RAP1GAP2: variants seen among roughly 807,000 people sequenced by gnomAD.
RAP1GAP2 encodes rap1 GTPase-activating protein 2.
Under a neutral mutation model 95.0 loss-of-function variants are expected in RAP1GAP2, and 27 were observed. That is an observed-to-expected ratio of 0.28 (90% CI 0.21 to 0.39). The LOEUF is 0.39. RAP1GAP2 is among the 10% of genes least tolerant of loss of function. RAP1GAP2 has a pLI of 1.00. For missense variants in RAP1GAP2, 771 were observed against 970.0 expected, an observed-to-expected ratio of 0.79 and a Z score of 2.72; for synonymous variants, 373 against 380.9, an observed-to-expected ratio of 0.98 and a Z score of 0.24.
Position 3,036,642 on chromosome 17 carries a change from G to A in RAP1GAP2, c.*3281G>A, listed in dbSNP as rs1364468188. On this transcript the variant is annotated 3_prime_UTR_variant, in exon 25 of 25. Transcript: ENST00000254695. ...GGGATCGGTTCTTCAGCTCCTGATG[G>A]GGGCTGTGTAATGGGGGCAGAGGCC... The A allele has an allele frequency of 6.6e-6, 1 of 152,242 alleles. No individual in the cohort carries two copies. The highest frequency in any genetic ancestry group is 2.1e-4 in the South Asian group (1 of 4,816). 9.4% of individuals were successfully genotyped at this position (152,242 alleles called of 1,614,324 possible). A position where few individuals can be genotyped will look rare whatever the true frequency, so the allele number is the denominator to read the frequency against.
intron 2 of RAP1GAP2, among the ~76,000 whole-genome samples, chr17:2,858,786 G>C (rs1436788851): frequency 6.6e-6 from 1 of 151,984 alleles, no homozygotes; most frequent in Admixed American, 6.6e-5. Context: ...GGTGGCATGT[G>C]CCTTTGGTCC....
chr17:2,805,921 G>A (rs897843608), intron 2 of RAP1GAP2, among the ~76,000 whole-genome samples: 2 of 152,118 alleles, frequency 1.3e-5, no homozygotes, highest in Admixed American at 6.6e-5. Context: ...CTCCTGAGGG[G>A]TGGGGAAGTC....
At chr17:2,860,420 A>G (rs1239343737) in intron 2 of RAP1GAP2, among the ~76,000 whole-genome samples, 1 of 150,602 alleles carries the variant, frequency 6.6e-6, no homozygotes, top group Non-Finnish European at 1.5e-5. Flanking sequence ...TGAGGTGCAA[A>G]TGAGTTTAAT....
At chr17:2,756,940 A>G (rs1472721616) in intron 1 of RAP1GAP2, among the ~76,000 whole-genome samples, 3 of 152,166 alleles carry the variant, frequency 2.0e-5, no homozygotes, top group African/African-American at 2.4e-5. Context: ...TCTGTTTTGC[A>G]TATTTCCTGG....
At chr17:2,992,850 C>G (rs190425433) in intron 12 of RAP1GAP2, among the ~76,000 whole-genome samples, 2 of 152,124 alleles carry the variant, frequency 1.3e-5, no homozygotes, top group African/African-American at 4.8e-5. Flanking sequence ...CGCTCCATCA[C>G]TTATTAGCTC....
In RAP1GAP2 at chr17:2,818,880, C is replaced by A. The variant is rs557844450; in HGVS notation, c.80+18330C>A. ...ACTGGACTAATAGCAAAGCCTGAAA[C>A]CTACTGCAAGGGTTGTTTTGGAGAC... On this transcript the variant is annotated intron_variant, in intron 2 of 24. Coordinates refer to ENST00000254695, the MANE Select transcript of RAP1GAP2 (RefSeq NM_015085.5). 4.5e-3 allele frequency among the ~76,000 whole-genome samples: 686 copies of A among 152,172 alleles called. 5 individuals carry two copies. Among genetic ancestry groups the A allele is most frequent in the African/African-American group, 0.016 (648 of 41,516 alleles).
At chr17:2,936,003 T>A (rs991520242) in intron 3 of RAP1GAP2, among the ~76,000 whole-genome samples, 1 of 152,124 alleles carries the variant, frequency 6.6e-6, no homozygotes, top group Non-Finnish European at 1.5e-5. Flanking sequence ...GAGGTCTCAT[T>A]TAGAGGCTCA....
At chr17:2,763,305 T>A (rs1409669322) in intron 1 of RAP1GAP2, among the ~76,000 whole-genome samples, 1 of 152,120 alleles carries the variant, frequency 6.6e-6, no homozygotes, top group Non-Finnish European at 1.5e-5. Context: ...TTGTGGGGAT[T>A]TCAGAGATGG....
chr17:2,781,124 G>T (rs1438256459), intron 1 of RAP1GAP2, among the ~76,000 whole-genome samples: 1 of 152,216 alleles, frequency 6.6e-6, no homozygotes, highest in African/African-American at 2.4e-5. Context: ...TCTGGTTCTG[G>T]ACTTTTGCAG....
chr17:2,876,675 T>C (rs1164305280), intron 2 of RAP1GAP2, among the ~76,000 whole-genome samples: 3 of 152,086 alleles, frequency 2.0e-5, no homozygotes, highest in Admixed American at 1.3e-4. Flanking sequence ...CTGGAGTCTG[T>C]TCTATGAGTC....
At chr17:2,809,795 G>A (rs2069678778) in intron 2 of RAP1GAP2, among the ~76,000 whole-genome samples, 1 of 152,208 alleles carries the variant, frequency 6.6e-6, no homozygotes, top group Admixed American at 6.5e-5. Flanking sequence ...CAGACCCATG[G>A]GTGTGTCAGG....
chr17:2,927,841 G>A (rs757088402), intron 3 of RAP1GAP2, among the ~76,000 whole-genome samples: 15 of 152,188 alleles, frequency 9.9e-5, no homozygotes, highest in Non-Finnish European at 1.6e-4. Context: ...CCGTAGTTCT[G>A]GGACTAATTC....
intron 1 of RAP1GAP2, among the ~76,000 whole-genome samples, chr17:2,759,115 C>A (rs2071200904): frequency 6.6e-6 from 1 of 152,148 alleles, no homozygotes; most frequent in Admixed American, 6.6e-5. Context: ...GCTGGGGCTA[C>A]AGGCATGAGC....
Position 2,892,523 on chromosome 17 carries a change from T to C in RAP1GAP2, c.81-12761T>C, listed in dbSNP as rs1375622271. 2.0e-5 allele frequency among the ~76,000 whole-genome samples: 3 copies of C among 152,110 alleles called. No individual in the cohort carries two copies. In the East Asian group the frequency reaches 5.8e-4, roughly 29 times the overall value. On this transcript the variant is annotated intron_variant, in intron 2 of 24. Transcript: ENST00000254695. ...TGTATGTCCGGGAGCTGGGCTGTGT[T>C]CTCATAGCATCTACTGGAGCTGAGA...
At position 2,797,874 on chromosome 17, in the gene RAP1GAP2, C is replaced by T; in HGVS notation, c.44+1303C>T. 1.2e-6 allele frequency: 1 copy of T among 800,924 alleles called. No individual in the cohort carries two copies. The highest frequency in any genetic ancestry group is 1.5e-6 in the Non-Finnish European group (1 of 662,188). 49.6% of individuals were successfully genotyped at this position (800,924 alleles called of 1,614,324 possible). A position where few individuals can be genotyped will look rare whatever the true frequency, so the allele number is the denominator to read the frequency against. The stretch of plus-strand genomic sequence containing the variant: ...GGCTGTGGGCCTTGCAGGGCAGGGC[C>T]CAGCAATTAGATTGTGCCCTCCAAG... On this transcript the variant is annotated intron_variant, in intron 1 of 24. Transcript: ENST00000254695. The surrounding 1 kb of genome is among the most constrained non-coding windows in gnomAD (Gnocchi z 5.6).
chr17:2,976,776 A>C (rs1031830219), intron 8 of RAP1GAP2, among the ~76,000 whole-genome samples: 1 of 152,144 alleles, frequency 6.6e-6, no homozygotes, highest in African/African-American at 2.4e-5. Flanking sequence ...AGATCTTACT[A>C]GTCTTTCAAA....
chr17:2,774,036 G>A (rs1280948154), upstream of RAP1GAP2, among the ~76,000 whole-genome samples: 3 of 152,166 alleles, frequency 2.0e-5, no homozygotes, highest in African/African-American at 7.2e-5. Context: ...GGGATTACAG[G>A]CATGAGCCAT....
intron 1 of RAP1GAP2, among the ~76,000 whole-genome samples, chr17:2,762,337 A>G (rs2071270481): frequency 6.6e-6 from 1 of 150,522 alleles, no homozygotes; most frequent in Admixed American, 6.6e-5. Flanking sequence ...TCCTTTGCCC[A>G]TGTTTAAATT....
Position 2,905,434 on chromosome 17 carries a change from G to T in RAP1GAP2, c.165+66G>T, listed in dbSNP as rs550799921. 2.0e-6 allele frequency: 3 copies of T among 1,521,114 alleles called. No individual in the cohort carries two copies. The African/African-American group carries it at 4.1e-5, about 21-fold the overall frequency. The allele number at this position is 1,521,114 out of a possible 1,614,324, so 94.2% of individuals were successfully genotyped here. ...TGGGGAAGTTGTGAGGCCTTGCTGT[G>T]GCTTTGGCTCCAGGCCCAGCAGCGT... On this transcript the variant is annotated intron_variant, in intron 3 of 24. Transcript: ENST00000254695.
Sources: gnomAD v4.1 joint callset for allele counts (sites outside exome capture counted in the v4.1 genomes callset) on GRCh38, gnomAD v4.1.1 for gene constraint, Gnocchi (gnomAD v3.1) non-coding constraint, MANE v1.5 for transcripts, NCBI Gene and HGNC (gene_info 2026-07-23, HGNC 2026-07-21) for gene names.